FRMD8: variants seen among roughly 807,000 people sequenced by gnomAD.
FRMD8 encodes the protein FERM domain containing 8.
In FRMD8, 37 loss-of-function variants were observed where a neutral mutation model predicts 54.2. That is an observed-to-expected ratio of 0.68 (90% CI 0.53 to 0.90). The LOEUF (loss-of-function observed/expected upper bound fraction) is 0.90. Ranked by LOEUF, FRMD8 falls within the 40% of genes least tolerant of loss-of-function variation. The probability of loss-of-function intolerance (pLI) is 0.00; values close to 1 mark genes in which losing one functional copy is unlikely to be tolerated. For missense variants in FRMD8, 585 were observed against 653.7 expected (o/e 0.89, Z 1.15); for synonymous variants, 246 against 286.9 (o/e 0.86, Z 1.44).
chr11:65,377,110 G>T, the FRMD8 span: 1 of 1,596,330 alleles, frequency 6.3e-7, no homozygotes, highest in East Asian at 2.2e-5. Flanking sequence ...CCCCGGGTGG[G>T]GCTTTGGGCT....
At chr11:65,377,516 G>T in the FRMD8 span, 1 of 668,104 alleles carries the variant, frequency 1.5e-6, no homozygotes, top group Non-Finnish European at 1.9e-6. Context: ...AGGTCCCCTC[G>T]TGAGTGCTGT....
chr11:65,407,941 G>A (rs1034987935), intron 10 of FRMD8, among the ~76,000 whole-genome samples: 9 of 151,810 alleles, frequency 5.9e-5, no homozygotes, highest in East Asian at 5.8e-4. Context: ...CCATGCGCAT[G>A]AGGAGGGCGG....
the FRMD8 span, chr11:65,380,849 G>A: frequency 1.3e-5 from 4 of 308,290 alleles, no homozygotes; most frequent in East Asian, 9.2e-5. Flanking sequence ...CTCAGGGCCC[G>A]GGACTGCGGC....
At chr11:65,394,975 G>A (rs915011884) in intron 6 of FRMD8, among the ~76,000 whole-genome samples, 2 of 152,232 alleles carry the variant, frequency 1.3e-5, no homozygotes, top group African/African-American at 4.8e-5. Context: ...GGCCGGACGC[G>A]GTGGCCCAGG....
At chr11:65,407,122 GAGA>G (rs1329764656) in intron 10 of FRMD8, among the ~76,000 whole-genome samples, 1 of 152,064 alleles carries the variant, frequency 6.6e-6, no homozygotes, top group Admixed American at 6.6e-5. Context: ...CTGTCATCGG[GAGA>G]AGTTGTGGCG....
chr11:65,413,476 G>A lies in FRMD8; in HGVS notation c.*2116G>A, dbSNP rs1356142152. The A allele has an allele frequency of 6.6e-6, 1 of 152,182 alleles. No homozygotes were observed. Among genetic ancestry groups the A allele is most frequent in the Non-Finnish European group, 1.5e-5 (1 of 68,036 alleles). The allele number at this position is 152,182 out of a possible 1,614,324, so 9.4% of individuals were successfully genotyped here. A position where few individuals can be genotyped will look rare whatever the true frequency, so the allele number is the denominator to read the frequency against. On this transcript the variant is annotated 3_prime_UTR_variant, in exon 11 of 11. Coordinates refer to ENST00000317568, the MANE Select transcript of FRMD8 (RefSeq NM_031904.5). Reference sequence around the variant, plus strand: ...GCAGTATTTTACTCATTCTTTGAATGTTCTCATTCTTTTGTATCATGTGAC... The same window carrying A: ...GCAGTATTTTACTCATTCTTTGAATATTCTCATTCTTTTGTATCATGTGAC...
In FRMD8 at chr11:65,399,859, G is replaced by T; in HGVS notation, c.927G>T (p.Lys309Asn). Residue 309 changes from lysine to asparagine, a missense_variant and splice_region_variant, in exon 8 of 11, where the codon AAG becomes AAT. Lys to Asn is a moderately conservative substitution (Grantham distance 94, BLOSUM62 0). Coordinates refer to ENST00000317568, the MANE Select transcript of FRMD8 (RefSeq NM_031904.5). ...TGCACGTCATCGATAGCAGAGAGAA[G>T]GTACTGCCCCCAGCTCCTCCAGGGT... ...EGVHVIDSRE[K>N]HVLLGLRFQE... 1 of 1,611,978 alleles carries T rather than the reference G, an allele frequency of 6.2e-7. No homozygotes were observed. Among genetic ancestry groups the T allele is most frequent in the Non-Finnish European group, 8.5e-7 (1 of 1,178,944 alleles).
intron 7 of FRMD8, among the ~76,000 whole-genome samples, chr11:65,399,002 T>G (rs1306063358): frequency 1.3e-5 from 2 of 148,236 alleles, no homozygotes; most frequent in East Asian, 2.0e-4. Flanking sequence ...ATGTTTTTTT[T>G]TTTTTTTTTT....
rs977542864 is a variant in FRMD8 at position 65,404,638 on chromosome 11, C to T, written c.1072-226C>T. 6.6e-6 allele frequency among the ~76,000 whole-genome samples: 1 copy of T among 152,076 alleles called. No homozygotes were observed. The highest frequency in any genetic ancestry group is 1.9e-4 in the East Asian group (1 of 5,160). On this transcript the variant is annotated intron_variant, in intron 9 of 10. Transcript: ENST00000317568. The surrounding 1 kb of genome is among the most constrained non-coding windows in gnomAD (Gnocchi z 4.7). ...GTGCCTTCTGACCAGAATGTTCTTTCTTTCCCACCTGAACTCCCAGATCTG... is the reference window on the plus strand; with the variant it reads ...GTGCCTTCTGACCAGAATGTTCTTTTTTTCCCACCTGAACTCCCAGATCTG...
At chr11:65,410,512 C>T (rs544654899) in intron 10 of FRMD8, among the ~76,000 whole-genome samples, 4 of 149,176 alleles carry the variant, frequency 2.7e-5, no homozygotes, top group African/African-American at 5.0e-5. Flanking sequence ...AACAAAAGGC[C>T]GGGCGCAGTG....
intron 3 of FRMD8, among the ~76,000 whole-genome samples, chr11:65,391,613 C>T (rs748716401): frequency 2.6e-5 from 4 of 152,026 alleles, no homozygotes; most frequent in Admixed American, 1.3e-4. Context: ...TGGGTTCAAG[C>T]GATTCTTCTG....
At chr11:65,393,065 C>T (rs754385527) in intron 3 of FRMD8, among the ~76,000 whole-genome samples, 1 of 152,250 alleles carries the variant, frequency 6.6e-6, no homozygotes, top group East Asian at 1.9e-4. Flanking sequence ...GCGTGTGGGC[C>T]ACGGAGGTGC....
At chr11:65,380,265 G>A in the FRMD8 span, 3 of 1,589,344 alleles carry the variant, frequency 1.9e-6, no homozygotes, top group Non-Finnish European at 2.6e-6. Flanking sequence ...GGTTCAGGCA[G>A]GAGGAAGGAG....
At chr11:65,390,889 G>T (rs1437644809) in intron 3 of FRMD8, among the ~76,000 whole-genome samples, 2 of 152,248 alleles carry the variant, frequency 1.3e-5, no homozygotes, top group African/African-American at 4.8e-5. Context: ...GGGCTGCTTT[G>T]TTGCCCGGCC....
At chr11:65,395,675 G>C (rs1192764817) in intron 6 of FRMD8, among the ~76,000 whole-genome samples, 1 of 152,244 alleles carries the variant, frequency 6.6e-6, no homozygotes. Context: ...CATGTGGGGC[G>C]GGGGAGATGC....
chr11:65,380,583 G>A, the FRMD8 span: 1 of 1,298,254 alleles, frequency 7.7e-7, no homozygotes, highest in Non-Finnish European at 1.0e-6. Context: ...GTCGTCGCCG[G>A]GATCCAGAGC....
chr11:65,387,712 G>A lies in FRMD8; in HGVS notation c.85+591G>A, dbSNP rs945620647. On this transcript the variant is annotated intron_variant, in intron 2 of 10. Transcript: ENST00000317568. Reference sequence around the variant, plus strand: ...CGCCACCACGCCTGGCTAATTTTTTGCATTTTTAGTAGAGACGGGGTTTCA... The same window carrying A: ...CGCCACCACGCCTGGCTAATTTTTTACATTTTTAGTAGAGACGGGGTTTCA... 4.0e-5 allele frequency among the ~76,000 whole-genome samples: 6 copies of A among 151,862 alleles called. No individual in the cohort carries two copies. The South Asian group carries it at 1.0e-3, about 27-fold the overall frequency.
upstream of FRMD8, chr11:65,381,895 A>G (rs1268857290): frequency 1.2e-6 from 2 of 1,614,078 alleles, no homozygotes; most frequent in Non-Finnish European, 1.7e-6. Flanking sequence ...GATGTGACAG[A>G]AGGAAGAAAA....
upstream of FRMD8, among the ~76,000 whole-genome samples, chr11:65,386,090 C>T (rs538960589): frequency 9.2e-5 from 14 of 152,306 alleles, no homozygotes; most frequent in South Asian, 2.9e-3. Flanking sequence ...GCCACCGCGC[C>T]CGGCCGACAT....
Sources: allele counts gnomAD v4.1 joint callset (sites outside exome capture counted in the v4.1 genomes callset), GRCh38; gene constraint gnomAD v4.1.1; non-coding constraint Gnocchi (gnomAD v3.1); transcripts MANE v1.5; gene names NCBI Gene and HGNC (gene_info 2026-07-23, HGNC 2026-07-21).